RNF146: variants seen among roughly 807,000 people sequenced by gnomAD.
RNF146 encodes the protein E3 ubiquitin-protein ligase RNF146.
RNF146 carries 11 observed loss-of-function variants against 29.7 expected under a neutral mutation model. That is an observed-to-expected ratio of 0.37 (90% CI 0.23 to 0.61). RNF146 has a LOEUF of 0.61. Among genes scored for constraint, RNF146 ranks in the 20% least tolerant of loss-of-function variants. RNF146 has a pLI of 0.66. For synonymous variants in RNF146, 150 were observed against 159.7 expected, an observed-to-expected ratio of 0.94 and a Z score of 0.46; for missense variants, 342 against 438.9, an observed-to-expected ratio of 0.78 and a Z score of 1.97.
chr6:127,283,655 T>C (rs1336531612), intron 2 of RNF146, among the ~76,000 whole-genome samples: 1 of 151,886 alleles, frequency 6.6e-6, no homozygotes, highest in Non-Finnish European at 1.5e-5. Context: ...ACTTATTGCA[T>C]GTGCCTCATT....
chr6:127,283,650 T>C (rs1300718835), intron 2 of RNF146, among the ~76,000 whole-genome samples: 3 of 151,872 alleles, frequency 2.0e-5, no homozygotes, highest in African/African-American at 7.2e-5. Flanking sequence ...ATCTTACTTA[T>C]TGCATGTGCC....
chr6:127,283,265 A>G (rs904238395), intron 2 of RNF146, among the ~76,000 whole-genome samples: 1 of 151,848 alleles, frequency 6.6e-6, no homozygotes, highest in Non-Finnish European at 1.5e-5. Context: ...ATGATGTATT[A>G]TACTTATTAA....
intron 2 of RNF146, among the ~76,000 whole-genome samples, chr6:127,283,692 G>T (rs61326477): frequency 4.1e-4 from 62 of 151,880 alleles, no homozygotes; most frequent in African/African-American, 1.5e-3. Flanking sequence ...ATATCACTAA[G>T]TTTTTCTGCC....
At chr6:127,274,922 C>T (rs1404826206) in intron 1 of RNF146, among the ~76,000 whole-genome samples, 9 of 151,706 alleles carry the variant, frequency 5.9e-5, no homozygotes, top group Non-Finnish European at 8.8e-5. Context: ...GGTTAACAGA[C>T]GCTGTCTCTT....
At chr6:127,273,763 A>G (rs1411262123) in intron 1 of RNF146, among the ~76,000 whole-genome samples, 1 of 148,348 alleles carries the variant, frequency 6.7e-6, no homozygotes, top group Non-Finnish European at 1.5e-5. Flanking sequence ...CCAGAATTAG[A>G]AAAAAAAAAA....
Position 127,287,259 on chromosome 6 carries a change from G to A in RNF146, c.646G>A (p.Val216Met), listed in dbSNP as rs769213516. Residue 216 changes from valine to methionine, a missense_variant, in exon 3 of 3, where the codon GTG (valine) becomes ATG (methionine). Physicochemically the swap from Val to Met is conservative, Grantham distance 21. Around this residue, in one of 6 missense-constraint regions of RNF146, gnomAD observed 196 missense variants for 208.9 expected, o/e 0.94. Transcript: ENST00000368314. Reference protein sequence around the residue: ...AQSGASVQPLVSSVRPLTSVD... With the variant: ...AQSGASVQPLMSSVRPLTSVD... The stretch of plus-strand genomic sequence containing the variant: ...GAGTGGAGCTTCTGTTCAGCCCCTA[G>A]TGTCTTCTGTAAGGCCCCTAACATC... 1.9e-6 allele frequency: 3 copies of A among 1,613,378 alleles called. No individual in the cohort carries two copies. The highest frequency in any genetic ancestry group is 3.3e-5 in the Admixed American group (2 of 59,870).
chr6:127,279,428 A>G (rs1582884610), intron 1 of RNF146, among the ~76,000 whole-genome samples: 1 of 151,778 alleles, frequency 6.6e-6, no homozygotes, highest in Admixed American at 6.6e-5. Context: ...TCAGTTGGCT[A>G]TTGATGTATG....
intron 2 of RNF146, among the ~76,000 whole-genome samples, chr6:127,285,048 A>G (rs1000153927): frequency 5.3e-5 from 8 of 152,080 alleles, no homozygotes; most frequent in Admixed American, 4.6e-4. Flanking sequence ...TATAACCTAG[A>G]ATTTCTGGTA....
At chr6:127,271,146 T>C (rs1185692261) in intron 1 of RNF146, among the ~76,000 whole-genome samples, 1 of 152,148 alleles carries the variant, frequency 6.6e-6, no homozygotes, top group South Asian at 2.1e-4. Context: ...GTTTTCTTTT[T>C]TTTAGTTTAT....
intron 1 of RNF146, among the ~76,000 whole-genome samples, chr6:127,273,780 A>G (rs987684375): frequency 3.9e-5 from 6 of 152,100 alleles, no homozygotes; most frequent in African/African-American, 1.4e-4. Flanking sequence ...AAAATTGAAG[A>G]AATAGGCTAA....
chr6:127,270,936 C>T (rs1777392350), intron 1 of RNF146, among the ~76,000 whole-genome samples: 1 of 151,850 alleles, frequency 6.6e-6, no homozygotes, highest in South Asian at 2.1e-4. Flanking sequence ...CTGCCTCAGC[C>T]TCCCAATTAG....
At chr6:127,280,200 T>C in intron 1 of RNF146, 31 bp from the exon 2 acceptor site, 1 of 781,568 alleles carries the variant, frequency 1.3e-6, no homozygotes, top group South Asian at 1.8e-5. Context: ...CTGATTCTCT[T>C]GATCTTAATT....
rs1245152015 is a variant in RNF146 at position 127,287,894 on chromosome 6, G to GTTTTC, written c.*203_*204insTTCTT. 1 of 461,770 alleles carries GTTTTC rather than the reference G, an allele frequency of 2.2e-6. No homozygotes were observed. The highest frequency in any genetic ancestry group is 4.0e-6 in the Non-Finnish European group (1 of 250,720). 28.6% of individuals were successfully genotyped at this position (461,770 alleles called of 1,614,324 possible). Reference sequence around the variant, plus strand: ...AATGTAAGGAACTTGGGTGTTAATAGTTGAGAGCTGTTTAGTAATAACCCA... The same window carrying GTTTTC: ...AATGTAAGGAACTTGGGTGTTAATAGTTTTCTTGAGAGCTGTTTAGTAATAACCCA... On this transcript the variant is annotated 3_prime_UTR_variant, in exon 3 of 3. Coordinates refer to ENST00000368314, the MANE Select transcript of RNF146 (RefSeq NM_001242850.2).
chr6:127,287,751 C>A lies in RNF146; in HGVS notation c.*58C>A. 1 of 1,119,840 alleles carries A rather than the reference C, an allele frequency of 8.9e-7. No homozygotes were observed. The highest frequency in any genetic ancestry group is 1.3e-6 in the Non-Finnish European group (1 of 770,340). 69.4% of individuals were successfully genotyped at this position (1,119,840 alleles called of 1,614,324 possible). On this transcript the variant is annotated 3_prime_UTR_variant, in exon 3 of 3. Coordinates refer to ENST00000368314, the MANE Select transcript of RNF146 (RefSeq NM_001242850.2). Reference sequence around the variant, plus strand: ...GAAAGGGTTACCTGTAAATTTCTGCCCACATAACATTATACTCATCCCTAG... The same window carrying A: ...GAAAGGGTTACCTGTAAATTTCTGCACACATAACATTATACTCATCCCTAG...
At position 127,286,373 on chromosome 6, in the gene RNF146, G is replaced by A. The variant is rs951280847; in HGVS notation, c.3-243G>A. On this transcript the variant is annotated intron_variant, in intron 2 of 2. Transcript: ENST00000368314. This position sits in a 1 kb window ranked among gnomAD's most constrained non-coding sequence, Gnocchi z 4.6. The stretch of plus-strand genomic sequence containing the variant: ...TAGTTCTTCAGTGTGTTTCTCCAGG[G>A]CTGATCTGTTAAGTGCACTGATGGA... The A allele has an allele frequency of 6.5e-6, 4 of 614,858 alleles. No homozygotes were observed. In the Admixed American group the frequency reaches 1.5e-4, roughly 22 times the overall value. 38.1% of individuals were successfully genotyped at this position (614,858 alleles called of 1,614,324 possible).
chr6:127,270,402 C>T (rs1311581408), intron 1 of RNF146, among the ~76,000 whole-genome samples: 1 of 151,894 alleles, frequency 6.6e-6, no homozygotes, highest in Admixed American at 6.6e-5. Flanking sequence ...TCATTCATTC[C>T]AGTAGGAATT....
rs530462024 is a variant in RNF146 at position 127,285,326 on chromosome 6, T to C, written c.3-1290T>C. On this transcript the variant is annotated intron_variant, in intron 2 of 2. Coordinates refer to ENST00000368314, the MANE Select transcript of RNF146 (RefSeq NM_001242850.2). ...GTGCTGTGATGATAGCCTAGGATTATTGTTTTTCAATTTTTGATGAGCGTA... is the reference window on the plus strand; with the variant it reads ...GTGCTGTGATGATAGCCTAGGATTACTGTTTTTCAATTTTTGATGAGCGTA... The C allele has an allele frequency of 9.3e-5, 92 of 985,130 alleles. No homozygotes were observed. The African/African-American group carries it at 1.6e-3, about 17-fold the overall frequency. The allele number at this position is 985,130 out of a possible 1,614,324, so 61.0% of individuals were successfully genotyped here.
intron 2 of RNF146, among the ~76,000 whole-genome samples, chr6:127,281,147 T>G (rs916371492): frequency 4.6e-5 from 7 of 151,694 alleles, no homozygotes; most frequent in Admixed American, 4.6e-4. Context: ...TGGTTACATG[T>G]AATGATATGT....
intron 1 of RNF146, among the ~76,000 whole-genome samples, chr6:127,268,720 A>G (rs951458614): frequency 2.0e-5 from 3 of 151,924 alleles, no homozygotes; most frequent in African/African-American, 7.3e-5. Flanking sequence ...TATCAGGAAA[A>G]CTCTCTCCAA....
Sources: gnomAD v4.1 joint callset for allele counts (sites outside exome capture counted in the v4.1 genomes callset) on GRCh38, gnomAD v4.1.1 for gene constraint, gnomAD v4.1.1 regional missense constraint, Gnocchi (gnomAD v3.1) non-coding constraint, MANE v1.5 for transcripts, NCBI Gene and HGNC (gene_info 2026-07-23, HGNC 2026-07-21) for gene names.